Variants in KSR1 observed in about 807,000 individuals in gnomAD.
KSR1 encodes the protein kinase suppressor of ras 1, also known as kinase suppressor of ras.
In KSR1, 35 loss-of-function variants were observed where a neutral mutation model predicts 92.9. The ratio of observed to expected loss-of-function variants is 0.38; its 90% CI spans 0.29 to 0.50. KSR1 has a LOEUF of 0.50. KSR1 is among the 20% of genes least tolerant of loss of function. The pLI is 0.94. For missense variants in KSR1, 972 were observed against 1,158.5 expected, an observed-to-expected ratio of 0.84 and a Z score of 2.34; for synonymous variants, 467 against 472.6, an observed-to-expected ratio of 0.99 and a Z score of 0.15.
intron 14 of KSR1, among the ~76,000 whole-genome samples, chr17:27,606,582 T>C (rs2073760746): frequency 6.6e-6 from 1 of 152,148 alleles, no homozygotes; most frequent in South Asian, 2.1e-4. Flanking sequence ...GGTGTGCTGG[T>C]AAATGTGTAA....
intron 2 of KSR1, among the ~76,000 whole-genome samples, chr17:27,554,315 G>T (rs1779308796): frequency 1.3e-5 from 2 of 152,190 alleles, no homozygotes; most frequent in Non-Finnish European, 1.5e-5. Context: ...GCATACGTGG[G>T]TTGTCATCTA....
intron 1 of KSR1, among the ~76,000 whole-genome samples, chr17:27,537,249 G>T (rs908087966): frequency 1.3e-5 from 2 of 152,158 alleles, no homozygotes; most frequent in Non-Finnish European, 2.9e-5. Context: ...TCTCCAGCTC[G>T]TGGCAAATGT....
At chr17:27,458,871 T>G (rs6505284) in intron 1 of KSR1, among the ~76,000 whole-genome samples, 2,360 of 152,228 alleles carry the variant, frequency 0.016, 57 homozygotes, top group African/African-American at 0.054. Flanking sequence ...CCTCCTCACC[T>G]GCAAAACAAG....
At chr17:27,546,340 G>T (rs1157351145) in intron 1 of KSR1, among the ~76,000 whole-genome samples, 1 of 152,200 alleles carries the variant, frequency 6.6e-6, no homozygotes, top group Admixed American at 6.5e-5. Flanking sequence ...TGAGCTAGGT[G>T]TCATCGTTCC....
intron 1 of KSR1, among the ~76,000 whole-genome samples, chr17:27,511,512 T>C (rs2069600424): frequency 6.6e-6 from 1 of 152,160 alleles, no homozygotes; most frequent in African/African-American, 2.4e-5. Context: ...AACAGCCTGC[T>C]CTCTGGAGCA....
chr17:27,551,021 T>C (rs2071381006), intron 2 of KSR1, among the ~76,000 whole-genome samples: 2 of 152,366 alleles, frequency 1.3e-5, no homozygotes, highest in South Asian at 4.1e-4. Flanking sequence ...TAAATGTTTC[T>C]GTGTTTTGTA....
At chr17:27,547,006 A>G (rs564397105) in intron 1 of KSR1, among the ~76,000 whole-genome samples, 1 of 152,260 alleles carries the variant, frequency 6.6e-6, no homozygotes. Context: ...CTGTGGTTTC[A>G]TCAGACATAA....
intron 1 of KSR1, among the ~76,000 whole-genome samples, chr17:27,514,224 T>C (rs1253180173): frequency 1.3e-5 from 2 of 152,242 alleles, no homozygotes; most frequent in Non-Finnish European, 2.9e-5. Context: ...CTGTGTTTTA[T>C]TGGGGCACCC....
chr17:27,509,148 A>G (rs758214654), intron 1 of KSR1, among the ~76,000 whole-genome samples: 1 of 152,186 alleles, frequency 6.6e-6, no homozygotes, highest in Non-Finnish European at 1.5e-5. Context: ...AGTTTCCTAC[A>G]TTCCAGGCAT....
chr17:27,501,585 C>T (rs1266082271), intron 1 of KSR1, among the ~76,000 whole-genome samples: 1 of 152,120 alleles, frequency 6.6e-6, no homozygotes, highest in Non-Finnish European at 1.5e-5. Context: ...GAGCATGATG[C>T]CCTACATCCC....
At chr17:27,534,042 G>T (rs2151049991) in intron 1 of KSR1, among the ~76,000 whole-genome samples, 1 of 152,334 alleles carries the variant, frequency 6.6e-6, no homozygotes, top group East Asian at 1.9e-4. Context: ...TGGGGGCCAG[G>T]CCTCTCCTCG....
intron 2 of KSR1, among the ~76,000 whole-genome samples, chr17:27,556,771 C>T (rs1277556360): frequency 6.6e-6 from 1 of 152,196 alleles, no homozygotes; most frequent in Non-Finnish European, 1.5e-5. Context: ...GCCCAGATTC[C>T]AGCCTGCCCT....
At chr17:27,615,995 G>C (rs2074043525) in intron 18 of KSR1, among the ~76,000 whole-genome samples, 1 of 152,176 alleles carries the variant, frequency 6.6e-6, no homozygotes. Context: ...ACCATTTGTG[G>C]ATGCCTATCT....
chr17:27,461,832 G>C (rs1479727498), intron 1 of KSR1, among the ~76,000 whole-genome samples: 2 of 74,868 alleles, frequency 2.7e-5, no homozygotes, highest in East Asian at 1.7e-3. Context: ...TCAAAATCCA[G>C]GAAAGTGCGC....
intron 1 of KSR1, among the ~76,000 whole-genome samples, chr17:27,521,625 G>C (rs554170042): frequency 6.6e-6 from 1 of 152,140 alleles, no homozygotes; most frequent in Non-Finnish European, 1.5e-5. Context: ...TAGAGATAGG[G>C]TCTCACTGTG....
intron 2 of KSR1, among the ~76,000 whole-genome samples, chr17:27,562,368 C>T (rs898623469): frequency 6.6e-6 from 1 of 152,240 alleles, no homozygotes; most frequent in African/African-American, 2.4e-5. Context: ...GGAGCTCTCA[C>T]CTGGGCCAGT....
intron 17 of KSR1, 114 bp downstream of exon 17, chr17:27,610,312 T>TA (rs2073879419): frequency 4.9e-6 from 7 of 1,438,844 alleles, no homozygotes; most frequent in South Asian, 1.3e-5. Context: ...GGCTCTGGAG[T>TA]AAAAAATCAA....
intron 1 of KSR1, among the ~76,000 whole-genome samples, chr17:27,480,349 CA>C (rs1343077816): frequency 6.6e-6 from 1 of 152,186 alleles, no homozygotes; most frequent in Non-Finnish European, 1.5e-5. Context: ...GAAAGCTCCA[CA>C]GGGTAAGGAT....
At chr17:27,492,887 A>G (rs2068870489) in intron 1 of KSR1, among the ~76,000 whole-genome samples, 2 of 152,220 alleles carry the variant, frequency 1.3e-5, no homozygotes, top group Admixed American at 1.3e-4. Flanking sequence ...TTCCTGGCAC[A>G]TGGTAGGTGC....
Sources: gnomAD v4.1 joint callset for allele counts (sites outside exome capture counted in the v4.1 genomes callset) on GRCh38, gnomAD v4.1.1 for gene constraint, MANE v1.5 for transcripts, NCBI Gene and HGNC (gene_info 2026-07-23, HGNC 2026-07-21) for gene names.